SH3BGRL2: variants seen among roughly 807,000 people sequenced by gnomAD.
SH3BGRL2 encodes SH3 domain-binding glutamic acid-rich-like protein 2.
SH3BGRL2 carries 21 observed loss-of-function variants against 14.8 expected under a neutral mutation model. The ratio of observed to expected loss-of-function variants is 1.42; its 90% CI spans 1.01 to 2.05. The LOEUF is 2.05. Ranked by LOEUF, SH3BGRL2 falls within the 30% of genes most tolerant of loss-of-function variation. The pLI is 0.00. For synonymous variants in SH3BGRL2, 50 were observed against 47.8 expected (o/e 1.05, Z -0.19); for missense variants, 147 against 130.8 (o/e 1.12, Z -0.61).
At chr6:79,578,886 G>A in the SH3BGRL2 span, among the ~76,000 whole-genome samples, 34 of 152,222 alleles carry the variant, frequency 2.2e-4, no homozygotes, top group African/African-American at 7.9e-4. Context: ...CCCATTGAAA[G>A]GAAGATAAAA....
chr6:79,686,869 T>C (rs1195299514), intron 2 of SH3BGRL2, among the ~76,000 whole-genome samples: 3 of 152,124 alleles, frequency 2.0e-5, no homozygotes, highest in Non-Finnish European at 2.9e-5. Context: ...CTGGAACTCC[T>C]CAGGTGCCCG....
chr6:79,552,083 C>G, the SH3BGRL2 span, among the ~76,000 whole-genome samples: 4 of 152,200 alleles, frequency 2.6e-5, no homozygotes, highest in East Asian at 7.7e-4. Flanking sequence ...GAGTGATACT[C>G]TGCCTCAAAA....
chr6:79,565,913 C>T, the SH3BGRL2 span, among the ~76,000 whole-genome samples: 1 of 152,206 alleles, frequency 6.6e-6, no homozygotes, highest in Non-Finnish European at 1.5e-5. Context: ...CACTAATTTC[C>T]TTCTATCCAG....
the SH3BGRL2 span, among the ~76,000 whole-genome samples, chr6:79,621,548 C>T: frequency 7.2e-5 from 11 of 152,162 alleles, no homozygotes; most frequent in Admixed American, 2.0e-4. Flanking sequence ...AGTTACCCAG[C>T]TTATGGTATT....
the SH3BGRL2 span, among the ~76,000 whole-genome samples, chr6:79,557,952 C>T: frequency 7.2e-5 from 11 of 152,170 alleles, no homozygotes; most frequent in Non-Finnish European, 1.5e-4. Flanking sequence ...GATTCAAGGA[C>T]TTATGATCAT....
the SH3BGRL2 span, among the ~76,000 whole-genome samples, chr6:79,587,859 T>C: frequency 1.3e-5 from 2 of 152,210 alleles, no homozygotes; most frequent in Non-Finnish European, 2.9e-5. Flanking sequence ...TGATAAATTT[T>C]TGAGTTGCAA....
chr6:79,635,214 A>G (rs1472524937), intron 1 of SH3BGRL2, among the ~76,000 whole-genome samples: 1 of 152,144 alleles, frequency 6.6e-6, no homozygotes, highest in East Asian at 1.9e-4. Flanking sequence ...AAAATCTTTT[A>G]CTCCTCATTA....
At chr6:79,695,902 G>T (rs561174917) in intron 2 of SH3BGRL2, among the ~76,000 whole-genome samples, 1 of 152,302 alleles carries the variant, frequency 6.6e-6, no homozygotes, top group South Asian at 2.1e-4. Context: ...AGAGAAAAAT[G>T]ATTCTATATG....
chr6:79,550,324 AT>A, the SH3BGRL2 span, among the ~76,000 whole-genome samples: 1 of 152,222 alleles, frequency 6.6e-6, no homozygotes, highest in Admixed American at 6.5e-5. Context: ...TGGAACCCAT[AT>A]CAGAAAGGAA....
At chr6:79,573,684 G>A in the SH3BGRL2 span, among the ~76,000 whole-genome samples, 13 of 152,110 alleles carry the variant, frequency 8.5e-5, no homozygotes, top group Non-Finnish European at 1.5e-5. Flanking sequence ...TTTTCTTAAA[G>A]TCTGCACAAC....
chr6:79,563,749 A>G, the SH3BGRL2 span, among the ~76,000 whole-genome samples: 1 of 152,216 alleles, frequency 6.6e-6, no homozygotes, highest in African/African-American at 2.4e-5. Context: ...GACCAAAAAA[A>G]GAATATCCAC....
the SH3BGRL2 span, among the ~76,000 whole-genome samples, chr6:79,541,052 A>G: frequency 6.6e-6 from 1 of 152,084 alleles, no homozygotes; most frequent in Non-Finnish European, 1.5e-5. Flanking sequence ...GAGGAGTTTG[A>G]GACCAGTCTG....
chr6:79,541,452 C>A, the SH3BGRL2 span, among the ~76,000 whole-genome samples: 2 of 152,190 alleles, frequency 1.3e-5, no homozygotes, highest in South Asian at 4.1e-4. Flanking sequence ...ATTTTTTCTT[C>A]TCTTTGTCTC....
rs1770411072 is a variant in SH3BGRL2, at chr6:79,699,594, G to A, written c.*85G>A. On this transcript the variant is annotated 3_prime_UTR_variant, in exon 4 of 4. Coordinates refer to ENST00000369838, the MANE Select transcript of SH3BGRL2 (RefSeq NM_031469.4). ...ACATGCTTACCTAATGCATCACTGT[G>A]ACAAAAGCCACACGCATTATCAGTA... The A allele has an allele frequency of 7.9e-6, 11 of 1,396,478 alleles. No homozygotes were observed. In the South Asian group the frequency reaches 1.7e-4, roughly 22 times the overall value. 86.5% of individuals were successfully genotyped at this position (1,396,478 alleles called of 1,614,324 possible). A position where few individuals can be genotyped will look rare whatever the true frequency, so the allele number is the denominator to read the frequency against.
chr6:79,641,233 TG>T (rs1163378559), intron 1 of SH3BGRL2, among the ~76,000 whole-genome samples: 1 of 151,976 alleles, frequency 6.6e-6, no homozygotes, highest in Non-Finnish European at 1.5e-5. Flanking sequence ...TATCTTTCAC[TG>T]GTTCTCTTTT....
chr6:79,646,890 A>T (rs1204983212), intron 1 of SH3BGRL2, among the ~76,000 whole-genome samples: 2 of 152,240 alleles, frequency 1.3e-5, no homozygotes, highest in Non-Finnish European at 2.9e-5. Context: ...TTATGGCTGA[A>T]TAATACTCTG....
At position 79,652,494 on chromosome 6, in the gene SH3BGRL2, T is replaced by TGA. The variant is rs575515434; in HGVS notation, c.45+20994_45+20995dup. ...AACTGGTCCTTGGCCACTGAGACTC[T>TGA]GAGAGAGGCTGTAACCAGATTGGAT... On this transcript the variant is annotated intron_variant, in intron 1 of 3. Coordinates refer to ENST00000369838, the MANE Select transcript of SH3BGRL2 (RefSeq NM_031469.4). 5.9e-5 allele frequency among the ~76,000 whole-genome samples: 9 copies of TGA among 152,238 alleles called. No homozygotes were observed. In the East Asian group the frequency reaches 9.7e-4, roughly 16 times the overall value.
At chr6:79,684,385 T>G (rs1028816928) in intron 2 of SH3BGRL2, among the ~76,000 whole-genome samples, 19 of 149,994 alleles carry the variant, frequency 1.3e-4, no homozygotes, top group Non-Finnish European at 2.5e-4. Context: ...ATCTCATAGG[T>G]TTTTTTTTAA....
chr6:79,699,031 C>T (rs1770389660), intron 3 of SH3BGRL2, among the ~76,000 whole-genome samples: 1 of 151,686 alleles, frequency 6.6e-6, no homozygotes. Flanking sequence ...GCCCCCTGTG[C>T]CAGATGTCAG....
Sources: gnomAD v4.1 joint callset for allele counts (sites outside exome capture counted in the v4.1 genomes callset) on GRCh38, gnomAD v4.1.1 for gene constraint, MANE v1.5 for transcripts, NCBI Gene and HGNC (gene_info 2026-07-23, HGNC 2026-07-21) for gene names.